WAC: variants seen among roughly 807,000 people sequenced by gnomAD.
WAC encodes WW domain-containing adapter protein with coiled-coil.
WAC carries 11 observed loss-of-function variants against 79.6 expected under a neutral mutation model. The ratio of observed to expected loss-of-function variants is 0.14; its 90% CI spans 0.09 to 0.23. The LOEUF is 0.23. Ranked by LOEUF, WAC falls within the 10% of genes least tolerant of loss-of-function variation. The probability of loss-of-function intolerance (pLI) is 1.00; values close to 1 mark genes in which losing one functional copy is unlikely to be tolerated. For synonymous variants in WAC, 304 were observed against 276.9 expected (o/e 1.10, Z -0.97); for missense variants, 728 against 773.5 (o/e 0.94, Z 0.70).
intron 3 of WAC, among the ~76,000 whole-genome samples, chr10:28,579,378 A>C (rs1839414889): frequency 2.6e-5 from 4 of 152,080 alleles, no homozygotes; most frequent in African/African-American, 7.2e-5. Context: ...TCTCACCAGC[A>C]TGTATATATT....
chr10:28,566,414 C>T (rs1838617233), intron 3 of WAC, among the ~76,000 whole-genome samples: 1 of 152,134 alleles, frequency 6.6e-6, no homozygotes, highest in South Asian at 2.1e-4. Context: ...TCAAAATAAG[C>T]ACATGGTAAT....
intron 3 of WAC, among the ~76,000 whole-genome samples, chr10:28,576,358 C>G (rs1839244909): frequency 6.6e-6 from 1 of 152,112 alleles, no homozygotes; most frequent in Non-Finnish European, 1.5e-5. Flanking sequence ...AGTGTTTCAT[C>G]TAGCGTTTAT....
Position 28,618,719 on chromosome 10 carries a change from A to G in WAC, c.1875-818A>G, listed in dbSNP as rs1469457506. Among the ~76,000 whole-genome samples, 4 of 152,204 alleles carry G rather than the reference A, an allele frequency of 2.6e-5. No homozygotes were observed. The South Asian group carries it at 6.2e-4, about 24-fold the overall frequency. ...AAAAACAGGAAATATTTTTACGTTC[A>G]TGGGAATCTGGGTAACTGGGGTTTG... is the stretch of plus-strand genomic sequence containing the variant. On this transcript the variant is annotated intron_variant, in intron 13 of 13. Transcript: ENST00000354911.
intron 1 of WAC, 26 bp from the exon 2 acceptor site, chr10:28,533,972 C>T (rs772345155): frequency 1.2e-6 from 2 of 1,605,386 alleles, no homozygotes; most frequent in African/African-American, 1.4e-5. Context: ...TGTCTTATGT[C>T]GCTGCCTTCT....
At chr10:28,606,807 T>TA (rs1278168729) in intron 7 of WAC, among the ~76,000 whole-genome samples, 1 of 152,220 alleles carries the variant, frequency 6.6e-6, no homozygotes, top group Non-Finnish European at 1.5e-5. Context: ...AAAGGGGAAT[T>TA]ACTGGGTCAT....
chr10:28,548,457 C>G (rs1389988546), intron 3 of WAC, among the ~76,000 whole-genome samples: 1 of 152,290 alleles, frequency 6.6e-6, no homozygotes, highest in East Asian at 1.9e-4. Flanking sequence ...GTACACTCCA[C>G]TCTGGGGAGA....
At chr10:28,557,309 ATAT>A (rs370469152) in intron 3 of WAC, among the ~76,000 whole-genome samples, 9 of 152,324 alleles carry the variant, frequency 5.9e-5, no homozygotes, top group South Asian at 4.1e-4. Flanking sequence ...CAATGTGATA[ATAT>A]TATAAAACTG....
At chr10:28,540,470 TA>T (rs1836949895) in intron 3 of WAC, among the ~76,000 whole-genome samples, 1 of 152,238 alleles carries the variant, frequency 6.6e-6, no homozygotes, top group Admixed American at 6.5e-5. Flanking sequence ...AGTACCTTGA[TA>T]AGATGTATTT....
chr10:28,613,603 T>C (rs1274667949), intron 10 of WAC, among the ~76,000 whole-genome samples: 1 of 152,242 alleles, frequency 6.6e-6, no homozygotes, highest in Non-Finnish European at 1.5e-5. Context: ...TGAGCTTTTA[T>C]GTAGTGCTTA....
chr10:28,551,656 C>G (rs193184803), intron 3 of WAC, among the ~76,000 whole-genome samples: 1 of 152,062 alleles, frequency 6.6e-6, no homozygotes, highest in Admixed American at 6.5e-5. Context: ...TAAACCCATC[C>G]CCAATAATTA....
chr10:28,557,254 T>G (rs184333597), intron 3 of WAC, among the ~76,000 whole-genome samples: 1 of 152,330 alleles, frequency 6.6e-6, no homozygotes, highest in African/African-American at 2.4e-5. Flanking sequence ...CTGTTAGGCA[T>G]AATTTAATGC....
chr10:28,569,378 CTGTT>C (rs1260684967), intron 3 of WAC, among the ~76,000 whole-genome samples: 1 of 152,174 alleles, frequency 6.6e-6, no homozygotes, highest in African/African-American at 2.4e-5. Context: ...TGTTGGAAAT[CTGTT>C]TGAATGTTAT....
intron 7 of WAC, among the ~76,000 whole-genome samples, chr10:28,605,633 T>C (rs905435041): frequency 1.3e-5 from 2 of 152,192 alleles, no homozygotes; most frequent in African/African-American, 4.8e-5. Flanking sequence ...ATGTTTTTGT[T>C]ATTTTTTGTT....
At chr10:28,607,612 G>A (rs139625684) in intron 7 of WAC, among the ~76,000 whole-genome samples, 2 of 152,138 alleles carry the variant, frequency 1.3e-5, no homozygotes, top group Non-Finnish European at 2.9e-5. Flanking sequence ...ATTACAAAAG[G>A]GAAGTATGTA....
intron 6 of WAC, 62 bp downstream of exon 6, chr10:28,590,894 T>C (rs1693306807): frequency 8.1e-7 from 1 of 1,238,418 alleles, no homozygotes; most frequent in Middle Eastern, 1.9e-4. Context: ...ATTTTTCAAA[T>C]CTGTATCCAT....
Position 28,535,702 on chromosome 10 carries a change from A to G in WAC, c.219A>G (p.Thr73=), listed in dbSNP as rs754940649. ...CTGAAAACAAATACAGTGACAGCAC[A>G]GGTCACAGTAAGGCCAAAAATGTGC... ...DSPENKYSDS[T]GHSKAKNVHT... is the part of the protein sequence containing the mutation. Residue 73 remains threonine (T), a synonymous_variant, in exon 3 of 14, where the codon ACA becomes ACG. Transcript: ENST00000354911. 1 of 1,614,136 alleles carries G rather than the reference A, an allele frequency of 6.2e-7. No homozygotes were observed. Among genetic ancestry groups the G allele is most frequent in the Non-Finnish European group, 8.5e-7 (1 of 1,180,016 alleles).
At chr10:28,549,196 G>T (rs1203844107) in intron 3 of WAC, among the ~76,000 whole-genome samples, 1 of 152,200 alleles carries the variant, frequency 6.6e-6, no homozygotes, top group African/African-American at 2.4e-5. Flanking sequence ...ACCACATCCA[G>T]ACAAGTTTTT....
At chr10:28,590,295 G>GAGC (rs1840018844) in intron 5 of WAC, among the ~76,000 whole-genome samples, 4 of 112,968 alleles carry the variant, frequency 3.5e-5, no homozygotes. Flanking sequence ...CTGAGCAACA[G>GAGC]AGCAAGATGC....
intron 3 of WAC, among the ~76,000 whole-genome samples, chr10:28,562,362 C>T (rs931624612): frequency 3.3e-5 from 5 of 152,052 alleles, no homozygotes; most frequent in Non-Finnish European, 7.4e-5. Flanking sequence ...AGCCAATTTT[C>T]TAGTAGATTT....
Sources: allele counts gnomAD v4.1 joint callset (sites outside exome capture counted in the v4.1 genomes callset), GRCh38; gene constraint gnomAD v4.1.1; transcripts MANE v1.5; gene names NCBI Gene and HGNC (gene_info 2026-07-23, HGNC 2026-07-21).